BCAN: variants seen among roughly 807,000 people sequenced by gnomAD.
The protein encoded by BCAN is brevican core protein.
In BCAN, 51 loss-of-function variants were observed where a neutral mutation model predicts 92.4. The ratio of observed to expected loss-of-function variants is 0.55; its 90% CI spans 0.44 to 0.70. The LOEUF is 0.70. Ranked by LOEUF, BCAN falls within the 30% of genes least tolerant of loss-of-function variation. The pLI is 0.00. For missense variants in BCAN, 1,140 were observed against 1,212.1 expected (o/e 0.94, Z 0.88); for synonymous variants, 501 against 505.2 (o/e 0.99, Z 0.11).
intron 11 of BCAN, 83 bp downstream of exon 11, chr1:156,657,840 C>T: frequency 1.7e-6 from 2 of 1,207,646 alleles, no homozygotes; most frequent in South Asian, 1.5e-5. Flanking sequence ...CCCTCCCGAC[C>T]CTGTCCCCTT....
chr1:156,645,885 G>T (rs1678945515), intron 1 of BCAN, among the ~76,000 whole-genome samples, 162 bp from the exon 2 acceptor site: 1 of 152,232 alleles, frequency 6.6e-6, no homozygotes, highest in Admixed American at 6.5e-5. Context: ...GAAATCACTT[G>T]CTGGGAAGAT....
Position 156,647,244 on chromosome 1 carries a change from T to G in BCAN, c.466+69T>G. Reference sequence around the variant, plus strand: ...AAGGGAGGACTCTTGCCTTCGGGGATCCCACAGTGTGAGAGGGAAGCAAAG... The same window carrying G: ...AAGGGAGGACTCTTGCCTTCGGGGAGCCCACAGTGTGAGAGGGAAGCAAAG... On this transcript the variant is annotated intron_variant, in intron 3 of 13. Coordinates refer to ENST00000329117, the MANE Select transcript of BCAN (RefSeq NM_021948.5). The surrounding 1 kb of genome is among the most constrained non-coding windows in gnomAD (Gnocchi z 4.8). 6.9e-7 allele frequency: 1 copy of G among 1,455,342 alleles called. No homozygotes were observed. The highest frequency in any genetic ancestry group is 9.1e-7 in the Non-Finnish European group (1 of 1,097,346). The allele number at this position is 1,455,342 out of a possible 1,614,324, so 90.2% of individuals were successfully genotyped here.
chr1:156,651,532 C>A lies in BCAN; in HGVS notation c.1140C>A (p.Ile380=), dbSNP rs150989682. The change falls in exon 7 of 14, where the codon ATC becomes ATA. Residue 380 remains isoleucine (I), a synonymous_variant. Transcript: ENST00000329117. ...CAGCCTCTGATGGACTAGAGGCTAT[C>A]GTCACAGTGACAGAGACCCTGGAGG... ...SNPASDGLEA[I]VTVTETLEEL... The A allele has an allele frequency of 6.2e-7, 1 of 1,614,026 alleles. No individual in the cohort carries two copies. The highest frequency in any genetic ancestry group is 1.1e-5 in the South Asian group (1 of 91,076).
Position 156,659,066 on chromosome 1 carries a change from CA to C in BCAN, c.2669del (p.Gln890ArgfsTer12). 6.2e-7 allele frequency: 1 copy of C among 1,601,810 alleles called. No homozygotes were observed. Among genetic ancestry groups the C allele is most frequent in the Non-Finnish European group, 8.5e-7 (1 of 1,175,588 alleles). ...LHPEEDPEGR[Q>X]GRLLGRWKAL... The stretch of plus-strand genomic sequence containing the variant: ...CCCAGAGGAGGACCCAGAAGGACGT[CA>C]GGGGAGGCTACTGGGACGCTGGAAG... On this transcript the variant is annotated frameshift_variant, in exon 14 of 14. Transcript: ENST00000329117. LOFTEE classifies it low-confidence loss of function (END_TRUNC).
At chr1:156,653,967 C>T (rs1423970044) in intron 8 of BCAN, among the ~76,000 whole-genome samples, 1 of 152,154 alleles carries the variant, frequency 6.6e-6, no homozygotes, top group African/African-American at 2.4e-5. Context: ...TCACCCCCAT[C>T]CCCTAGCCCT....
intron 8 of BCAN, chr1:156,653,501 G>T (rs1317364023): frequency 4.1e-6 from 4 of 986,824 alleles, no homozygotes; most frequent in Non-Finnish European, 3.6e-6. Context: ...TCCATCTCCT[G>T]CTGTCCACCT....
rs140635458 is a variant in BCAN at position 156,646,035 on chromosome 1, TC to T, written c.-8-9del. 1.3e-3 allele frequency: 2,052 copies of T among 1,605,610 alleles called. 21 individuals carry two copies. In the African/African-American group the frequency reaches 0.025, roughly 19 times the overall value. ...TCTAACCCCATCTTTCCTTCTCATG[TC>T]CCTCTGTCAGCCTGCAGCATGGCCC... On this transcript the variant is annotated splice_polypyrimidine_tract_variant and intron_variant, in intron 1 of 13. Coordinates refer to ENST00000329117, the MANE Select transcript of BCAN (RefSeq NM_021948.5).
rs1159885891 is a variant in BCAN, at chr1:156,656,434, C to T, written c.2050+45C>T. 3.1e-6 allele frequency: 4 copies of T among 1,286,712 alleles called. No individual in the cohort carries two copies. The African/African-American group carries it at 4.6e-5, about 15-fold the overall frequency. The allele number at this position is 1,286,712 out of a possible 1,614,324, so 79.7% of individuals were successfully genotyped here. A position where few individuals can be genotyped will look rare whatever the true frequency, so the allele number is the denominator to read the frequency against. Reference sequence around the variant, plus strand: ...GGGCAGGTTTGAAGCCTGGACCCTGCCACAACGTGCTACTTCTGGAGGGGG... The same window carrying T: ...GGGCAGGTTTGAAGCCTGGACCCTGTCACAACGTGCTACTTCTGGAGGGGG... On this transcript the variant is annotated intron_variant, in intron 9 of 13. Transcript: ENST00000329117.
At chr1:156,645,546 A>AAGGC (rs747196756) in intron 1 of BCAN, among the ~76,000 whole-genome samples, 7 of 152,134 alleles carry the variant, frequency 4.6e-5, no homozygotes, top group Non-Finnish European at 8.8e-5. Context: ...GACAGTCTAG[A>AAGGC]AGGCAGAAGA....
chr1:156,645,309 G>C lies in BCAN; in HGVS notation c.-8-738G>C, dbSNP rs566319841. On this transcript the variant is annotated intron_variant, in intron 1 of 13. Transcript: ENST00000329117. ...ATTTCTGAGCCAAGAGTTCCGGTGG[G>C]AAAGCCCGTGCCAGGCAGAAAGGAG... Among the ~76,000 whole-genome samples, 12 of 152,344 alleles carry C rather than the reference G, an allele frequency of 7.9e-5. No individual in the cohort carries two copies. The East Asian group carries it at 2.3e-3, about 29-fold the overall frequency.
At chr1:156,655,769 T>A (rs753891223) in intron 8 of BCAN, among the ~76,000 whole-genome samples, 2 of 152,176 alleles carry the variant, frequency 1.3e-5, no homozygotes, top group Non-Finnish European at 2.9e-5. Flanking sequence ...CCACTGTTGC[T>A]GCGGTAATCC....
In BCAN at chr1:156,653,136, C is replaced by G. The variant is rs986501016; in HGVS notation, c.1942+244C>G. 12 of 1,406,160 alleles carry G rather than the reference C, an allele frequency of 8.5e-6. No individual in the cohort carries two copies. The Admixed American group carries it at 3.9e-4, about 46-fold the overall frequency. 87.1% of individuals were successfully genotyped at this position (1,406,160 alleles called of 1,614,324 possible). On this transcript the variant is annotated intron_variant, in intron 8 of 13. Transcript: ENST00000329117. The stretch of plus-strand genomic sequence containing the variant: ...GCCCCGCCACTGACCATCTGTGACC[C>G]TTCCCTGCCATTGGGCCCTCCACCT...
Position 156,652,418 on chromosome 1 carries a change from G to T in BCAN, c.1468G>T (p.Gly490Cys). The T allele has an allele frequency of 6.2e-7, 1 of 1,605,150 alleles. No homozygotes were observed. The highest frequency in any genetic ancestry group is 1.1e-5 in the South Asian group (1 of 90,032). The change falls in exon 8 of 14, where the codon GGC becomes TGC. Residue 490 changes from glycine to cysteine, a missense_variant. Around this residue, in one of 3 missense-constraint regions of BCAN, gnomAD observed 825 missense variants for 871.8 expected, o/e 0.95. Transcript: ENST00000329117. ...ATGGCCCAGCGAGCTCAGCAGCCCGGGCCCTGAGGCCTCTCTCCCCACTGA... is the reference window on the plus strand; with the variant it reads ...ATGGCCCAGCGAGCTCAGCAGCCCGTGCCCTGAGGCCTCTCTCCCCACTGA... Reference protein sequence around the residue: ...WAWPSELSSPGPEASLPTEPA... With the variant: ...WAWPSELSSPCPEASLPTEPA...
rs1679030034 is a variant in BCAN at position 156,647,680 on chromosome 1, G to A, written c.639G>A (p.Val213=). The A allele has an allele frequency of 1.9e-6, 3 of 1,585,884 alleles. No homozygotes were observed. Among genetic ancestry groups the A allele is most frequent in the Non-Finnish European group, 2.6e-6 (3 of 1,164,906 alleles). The change falls in exon 4 of 14, where the codon GTG becomes GTA. Residue 213 remains valine, a splice_region_variant and synonymous_variant. Coordinates refer to ENST00000329117, the MANE Select transcript of BCAN (RefSeq NM_021948.5). This position sits in a 1 kb window ranked among gnomAD's most constrained non-coding sequence, Gnocchi z 4.8. ...CTGGCTGGCTGTCGGATCAGACCGTGAGGTGGGCAGGGGCTGTGGATTGGG... is the reference window on the plus strand; with the variant it reads ...CTGGCTGGCTGTCGGATCAGACCGTAAGGTGGGCAGGGGCTGTGGATTGGG... The part of the protein sequence containing the change: ...CDAGWLSDQT[V]RYPIQTPREA...
intron 2 of BCAN, 93 bp from the exon 3 acceptor site, chr1:156,646,708 G>A: frequency 6.7e-7 from 1 of 1,488,186 alleles, no homozygotes; most frequent in Non-Finnish European, 8.9e-7. Context: ...CCTGGGGCCG[G>A]AAGGAGGGAT....
Position 156,646,127 on chromosome 1 carries a change from C to T in BCAN, c.73C>T (p.Leu25=), listed in dbSNP as rs760294804. 6.2e-7 allele frequency: 1 copy of T among 1,613,820 alleles called. No individual in the cohort carries two copies. The highest frequency in any genetic ancestry group is 2.2e-5 in the East Asian group (1 of 44,878). ...GGCTCCTGCAGCTTTAGCAGATGTTCTGGAAGGAGACAGCTCAGGTAAGCA... is the reference window on the plus strand; with the variant it reads ...GGCTCCTGCAGCTTTAGCAGATGTTTTGGAAGGAGACAGCTCAGGTAAGCA... ...AQAPAALADV[L]EGDSSEDRAF... is the part of the protein sequence containing the mutation. Residue 25 remains leucine, a synonymous_variant, in exon 2 of 14, where the codon CTG becomes TTG. Transcript: ENST00000329117.
chr1:156,656,673 C>T, intron 9 of BCAN: 1 of 536,304 alleles, frequency 1.9e-6, no homozygotes. Flanking sequence ...AGGAGAGCCA[C>T]TGCTCGTTAG....
intron 6 of BCAN, chr1:156,650,051 T>G: frequency 3.4e-5 from 14 of 408,566 alleles, no homozygotes; most frequent in Non-Finnish European, 3.9e-5. Flanking sequence ...CATATTTGGC[T>G]GGGGTTGGGG....
At position 156,647,066 on chromosome 1, in the gene BCAN, C is replaced by T. The variant is rs771735641; in HGVS notation, c.357C>T (p.Asp119=). 1.1e-5 allele frequency: 17 copies of T among 1,611,306 alleles called. No homozygotes were observed. The South Asian group carries it at 1.4e-4, about 14-fold the overall frequency. ...CTGCGTACCCAGCGTCGCTCACCGA[C>T]GTCTCCCTGGCGCTGAGCGAGCTGC... is the stretch of plus-strand genomic sequence containing the variant. The part of the protein sequence containing the change: ...ALPAYPASLT[D]VSLALSELRP... Residue 119 remains aspartate (D), a synonymous_variant, in exon 3 of 14, where the codon GAC becomes GAT. Transcript: ENST00000329117. This position sits in a 1 kb window ranked among gnomAD's most constrained non-coding sequence, Gnocchi z 4.8.
Sources: allele counts gnomAD v4.1 joint callset (sites outside exome capture counted in the v4.1 genomes callset), GRCh38; gene constraint gnomAD v4.1.1; regional missense constraint gnomAD v4.1.1; non-coding constraint Gnocchi (gnomAD v3.1); transcripts MANE v1.5; gene names NCBI Gene and HGNC (gene_info 2026-07-23, HGNC 2026-07-21).